NTN1: variants seen among roughly 807,000 people sequenced by gnomAD.
The protein encoded by NTN1 is netrin-1.
NTN1 carries 11 observed loss-of-function variants against 54.2 expected under a neutral mutation model. That is an observed-to-expected ratio of 0.20 (90% CI 0.13 to 0.34). The LOEUF is 0.34. Ranked by LOEUF, NTN1 falls within the 10% of genes least tolerant of loss-of-function variation. The pLI is 1.00. For synonymous variants in NTN1, 371 were observed against 382.0 expected (o/e 0.97, Z 0.33); for missense variants, 740 against 893.1 (o/e 0.83, Z 2.18).
chr17:9,103,703 G>A (rs2092157289), intron 2 of NTN1, among the ~76,000 whole-genome samples: 1 of 152,000 alleles, frequency 6.6e-6, no homozygotes. Context: ...ATATTACTCA[G>A]CCTTAAAATG....
At chr17:9,225,751 A>T (rs1905517078) in intron 6 of NTN1, among the ~76,000 whole-genome samples, 1 of 150,290 alleles carries the variant, frequency 6.7e-6, no homozygotes, top group African/African-American at 2.5e-5. Flanking sequence ...GCTCCCTCGG[A>T]GGCTGCATAA....
chr17:9,124,027 C>G (rs566100783), intron 2 of NTN1, among the ~76,000 whole-genome samples: 1 of 152,282 alleles, frequency 6.6e-6, no homozygotes, highest in South Asian at 2.1e-4. Context: ...AGCAAATGCT[C>G]AGGTCTTCTT....
upstream of NTN1, among the ~76,000 whole-genome samples, chr17:9,017,933 T>C (rs1480820351): frequency 1.3e-5 from 2 of 152,300 alleles, no homozygotes; most frequent in East Asian, 3.9e-4. Flanking sequence ...ATCATTAAGA[T>C]AACTGGGAAC....
At chr17:9,230,112 A>G (rs761175671) in intron 6 of NTN1, among the ~76,000 whole-genome samples, 1 of 152,136 alleles carries the variant, frequency 6.6e-6, no homozygotes, top group Non-Finnish European at 1.5e-5. Flanking sequence ...CTTGGAGTCA[A>G]TGGCTATTCC....
At chr17:9,185,895 G>A (rs2092431808) in intron 5 of NTN1, among the ~76,000 whole-genome samples, 1 of 152,210 alleles carries the variant, frequency 6.6e-6, no homozygotes, top group Non-Finnish European at 1.5e-5. Context: ...CACTGACTCT[G>A]AGGACTTGGA....
chr17:9,179,823 T>G lies in NTN1; in HGVS notation c.1224T>G (p.Pro408=). ...TCTCTGCAGCCTGTGATTGCCACCC[T>G]GTGGGTGCTGCTGGCAAAACCTGCA... The part of the protein sequence containing the change: ...RKACKACDCH[P]VGAAGKTCNQ... Residue 408 remains proline, a synonymous_variant, in exon 4 of 7, where the codon CCT becomes CCG. Transcript: ENST00000173229. The G allele has an allele frequency of 6.2e-7, 1 of 1,613,988 alleles. No homozygotes were observed. The highest frequency in any genetic ancestry group is 1.1e-5 in the South Asian group (1 of 91,052).
intron 2 of NTN1, among the ~76,000 whole-genome samples, chr17:9,060,742 C>T (rs2091994927): frequency 6.6e-6 from 1 of 152,034 alleles, no homozygotes; most frequent in Non-Finnish European, 1.5e-5. Context: ...CTTTGGGAGG[C>T]CAAGGCAGGC....
chr17:9,151,800 T>C (rs765563896), intron 2 of NTN1, among the ~76,000 whole-genome samples: 1 of 152,228 alleles, frequency 6.6e-6, no homozygotes, highest in South Asian at 2.1e-4. Flanking sequence ...AAATTGTCTG[T>C]CTTACAAGAG....
chr17:9,165,001 T>C lies in NTN1; in HGVS notation c.1207+2000T>C, dbSNP rs2092369848. Among the ~76,000 whole-genome samples the C allele has an allele frequency of 6.6e-6, 1 of 152,194 alleles. No homozygotes were observed. The highest frequency in any genetic ancestry group is 2.4e-5 in the African/African-American group (1 of 41,440). On this transcript the variant is annotated intron_variant, in intron 3 of 6. Transcript: ENST00000173229. The surrounding 1 kb of genome is among the most constrained non-coding windows in gnomAD (Gnocchi z 4.5). ...CCTTTGCCTGTGCCCAGAGTGTTTG[T>C]TGTCTCTCTTTTACAGAAGAAATGG...
intron 2 of NTN1, among the ~76,000 whole-genome samples, chr17:9,030,748 AG>A (rs559142640): frequency 5.8e-4 from 88 of 152,290 alleles, no homozygotes; most frequent in Middle Eastern, 3.4e-3. Flanking sequence ...CAGAAAAAAA[AG>A]AAAAGAAAAA....
chr17:9,173,927 T>A (rs906262754), intron 3 of NTN1: 4 of 152,412 alleles, frequency 2.6e-5, no homozygotes, highest in African/African-American at 7.2e-5. Context: ...CAGCACTTGC[T>A]GTGTGAGCCC....
intron 6 of NTN1, among the ~76,000 whole-genome samples, chr17:9,223,290 G>A (rs1265812291): frequency 6.6e-6 from 1 of 152,138 alleles, no homozygotes; most frequent in African/African-American, 2.4e-5. Context: ...GGTGGCTCAC[G>A]CCTGTAATCC....
At chr17:9,092,961 C>T (rs796864284) in intron 2 of NTN1, among the ~76,000 whole-genome samples, 41 of 152,196 alleles carry the variant, frequency 2.7e-4, no homozygotes, top group East Asian at 1.2e-3. Context: ...GGTTTCACTG[C>T]GTTAGCCAGG....
chr17:9,136,202 A>AAAACC (rs2092280700), intron 2 of NTN1, among the ~76,000 whole-genome samples: 1 of 152,352 alleles, frequency 6.6e-6, no homozygotes, highest in Non-Finnish European at 1.5e-5. Flanking sequence ...CAGTCTTTAC[A>AAAACC]AAACCAAACC....
At chr17:9,061,936 C>T (rs563663243) in intron 2 of NTN1, among the ~76,000 whole-genome samples, 40 of 152,218 alleles carry the variant, frequency 2.6e-4, no homozygotes, top group African/African-American at 9.4e-4. Flanking sequence ...AACTCCTGAC[C>T]TCGTGATGCG....
At chr17:9,121,965 C>A (rs1258579669) in intron 2 of NTN1, among the ~76,000 whole-genome samples, 1 of 152,106 alleles carries the variant, frequency 6.6e-6, no homozygotes, top group Non-Finnish European at 1.5e-5. Context: ...GGAATATGAT[C>A]TGGTCAGTGC....
rs372338509 is a variant in NTN1, at chr17:9,114,447, T to TA, written c.1019-48354dup. On this transcript the variant is annotated intron_variant, in intron 2 of 6. Transcript: ENST00000173229. ...AAATATATTGATGTTTTACTTGAGT[T>TA]AAAAAAAAAAAAGATAAACATGGAG... 1.4e-3 allele frequency among the ~76,000 whole-genome samples: 199 copies of TA among 145,086 alleles called. 1 individual carries two copies. The highest frequency in any genetic ancestry group is 3.0e-3 in the East Asian group (15 of 4,988).
At position 9,221,011 on chromosome 17, in the gene NTN1, C is replaced by T. The variant is rs1905329064; in HGVS notation, c.1412-157C>T. On this transcript the variant is annotated intron_variant, in intron 5 of 6. Coordinates refer to ENST00000173229, the MANE Select transcript of NTN1 (RefSeq NM_004822.3). The surrounding 1 kb of genome is among the most constrained non-coding windows in gnomAD (Gnocchi z 4.5). ...TGTCCCTCAGGCCTCTTTAGAAGCG[C>T]AGGCCTTTCCTGAATGGCCGCCTGC... is the stretch of plus-strand genomic sequence containing the variant. 6.6e-6 allele frequency among the ~76,000 whole-genome samples: 1 copy of T among 152,080 alleles called. No individual in the cohort carries two copies. The highest frequency in any genetic ancestry group is 1.5e-5 in the Non-Finnish European group (1 of 68,012).
intron 2 of NTN1, among the ~76,000 whole-genome samples, chr17:9,079,790 T>A (rs1393303882): frequency 1.5e-5 from 1 of 66,590 alleles, no homozygotes; most frequent in African/African-American, 5.2e-5. Context: ...AAGTGGTTCC[T>A]CAGCAGGCCT....
Sources: gnomAD v4.1 joint callset for allele counts (sites outside exome capture counted in the v4.1 genomes callset) on GRCh38, gnomAD v4.1.1 for gene constraint, Gnocchi (gnomAD v3.1) non-coding constraint, MANE v1.5 for transcripts, NCBI Gene and HGNC (gene_info 2026-07-23, HGNC 2026-07-21) for gene names.